ODF2: variants seen among roughly 807,000 people sequenced by gnomAD.
ODF2 encodes outer dense fiber protein 2.
ODF2 carries 47 observed loss-of-function variants against 110.2 expected under a neutral mutation model. The observed-to-expected ratio is 0.43, with a 90% CI of 0.34 to 0.54. The LOEUF is 0.54. ODF2 is among the 20% of genes least tolerant of loss of function. ODF2 has a pLI of 0.03. For missense variants in ODF2, 812 were observed against 1,054.5 expected, an observed-to-expected ratio of 0.77 and a Z score of 3.19; for synonymous variants, 352 against 397.7, an observed-to-expected ratio of 0.89 and a Z score of 1.37.
At chr9:128,461,048 C>A (rs749362503) in exon 4 of ODF2, 5 of 1,614,034 alleles carry the variant, frequency 3.1e-6, no homozygotes, top group Non-Finnish European at 8.5e-7. Flanking sequence ...TCTGCCCGGC[C>A]TGTGGGATGC....
chr9:128,500,905 T>G (rs1281460274), downstream of ODF2: 1 of 152,228 alleles, frequency 6.6e-6, no homozygotes, highest in East Asian at 1.9e-4. Context: ...ATCTCTGGAA[T>G]GCATTTATTC....
chr9:128,476,507 C>A (rs980019055), intron 8 of ODF2, among the ~76,000 whole-genome samples: 1 of 151,866 alleles, frequency 6.6e-6, no homozygotes, highest in Non-Finnish European at 1.5e-5. Context: ...AGGCTGGTCT[C>A]GAACTCCTGA....
At chr9:128,465,747 A>G (rs567324193) in intron 4 of ODF2, among the ~76,000 whole-genome samples, 24 of 152,044 alleles carry the variant, frequency 1.6e-4, no homozygotes, top group African/African-American at 5.8e-4. Flanking sequence ...CTCAAAAAAA[A>G]AAAAAAAAGT....
intron 19 of ODF2, 133 bp from the exon 20 acceptor site, chr9:128,498,868 G>A (rs1218237416): frequency 2.6e-5 from 33 of 1,248,422 alleles, no homozygotes; most frequent in East Asian, 2.3e-4. Context: ...CTGCCCCAGC[G>A]TTCTAGAGAA....
Position 128,471,480 on chromosome 9 carries a change from C to A in ODF2, c.581+12C>A. The A allele has an allele frequency of 6.2e-7, 1 of 1,611,322 alleles. No homozygotes were observed. Among genetic ancestry groups the A allele is most frequent in the South Asian group, 1.1e-5 (1 of 90,578 alleles). ...AAGGACTTCACCATGTAAGGTGGCT[C>A]CTGCTCTGTCCCCGCTGATCTATTC... On this transcript the variant is annotated intron_variant, in intron 6 of 20. Coordinates refer to ENST00000604420, the Ensembl canonical transcript of ODF2.
intron 16 of ODF2, among the ~76,000 whole-genome samples, chr9:128,493,197 C>T (rs1406186417): frequency 6.6e-6 from 1 of 152,028 alleles, no homozygotes; most frequent in Non-Finnish European, 1.5e-5. Flanking sequence ...CCAGCCTGAC[C>T]AACATGGTGA....
At chr9:128,482,709 G>A (rs1842634162) in intron 9 of ODF2, 107 bp from the exon 10 acceptor site, 7 of 749,338 alleles carry the variant, frequency 9.3e-6, no homozygotes, top group Non-Finnish European at 1.6e-5. Flanking sequence ...GCCAATGTAT[G>A]TAGGACCTTG....
At chr9:128,456,775 C>T (rs989599039) in intron 1 of ODF2, 7 of 1,305,530 alleles carry the variant, frequency 5.4e-6, no homozygotes, top group Non-Finnish European at 6.9e-6. Context: ...GGGTCCCGCC[C>T]GCCCCCTCCC....
Position 128,494,569 on chromosome 9 carries a change from G to C in ODF2, c.1812G>C (p.Lys604Asn). The C allele has an allele frequency of 6.2e-7, 1 of 1,614,192 alleles. No individual in the cohort carries two copies. Among genetic ancestry groups the C allele is most frequent in the South Asian group, 1.1e-5 (1 of 91,086 alleles). ...TGCAGCAGCTCCCTGACATCCTGAAGATCACGGAGGCGAAGCTGGCTGAGT... is the reference window on the plus strand; with the variant it reads ...TGCAGCAGCTCCCTGACATCCTGAACATCACGGAGGCGAAGCTGGCTGAGT... Residue 604 changes from lysine (K) to asparagine (N), a missense_variant, in exon 17 of 21, where the codon AAG becomes AAC. Lys to Asn is a moderately conservative substitution (Grantham distance 94, BLOSUM62 0). Transcript: ENST00000604420. This position sits in a 1 kb window ranked among gnomAD's most constrained non-coding sequence, Gnocchi z 4.6.
In ODF2 at chr9:128,500,062, G is replaced by A. The variant is rs376782686; in HGVS notation, c.2302-5G>A. ...GCGGGCCCATGCTCTGTTTCTCCTC[G>A]TTAGGCGGACCGCCGCTACCAGAGC... On this transcript the variant is annotated splice_region_variant and splice_polypyrimidine_tract_variant and intron_variant, in intron 20 of 20. Coordinates refer to ENST00000604420, the Ensembl canonical transcript of ODF2. 2.1e-5 allele frequency: 34 copies of A among 1,614,074 alleles called. No individual in the cohort carries two copies. Among genetic ancestry groups the A allele is most frequent in the East Asian group, 4.5e-5 (2 of 44,902 alleles).
At chr9:128,492,633 G>A in intron 15 of ODF2, 68 bp from the exon 16 acceptor site, 1 of 1,549,270 alleles carries the variant, frequency 6.5e-7, no homozygotes, top group Non-Finnish European at 8.9e-7. Flanking sequence ...GGAGGGTTGG[G>A]TATGGAAGAT....
chr9:128,498,384 C>T (rs1846020581), intron 18 of ODF2, 29 bp from the exon 19 acceptor site: 1 of 1,537,548 alleles, frequency 6.5e-7, no homozygotes, highest in Non-Finnish European at 8.8e-7. Flanking sequence ...TGGGGTATGC[C>T]CAGGATCTGA....
chr9:128,478,881 C>T (rs375788669), intron 8 of ODF2, among the ~76,000 whole-genome samples: 1 of 152,164 alleles, frequency 6.6e-6, no homozygotes, highest in Admixed American at 6.5e-5. Flanking sequence ...CCCAGTACTA[C>T]CCCTTCCAGC....
chr9:128,455,593 A>T (rs1366650572), upstream of ODF2, among the ~76,000 whole-genome samples: 9 of 122,976 alleles, frequency 7.3e-5, no homozygotes, highest in East Asian at 2.1e-3. Flanking sequence ...AAAAAAAAAA[A>T]GTGCAGGAAG....
rs1184632754 is a variant in ODF2 at position 128,470,380 on chromosome 9, T to C, written c.421-928T>C. Among the ~76,000 whole-genome samples, 3 of 151,804 alleles carry C rather than the reference T, an allele frequency of 2.0e-5. No homozygotes were observed. In the East Asian group the frequency reaches 5.9e-4, roughly 30 times the overall value. ...GCGTGGTGGCTCATGCCTATAATCC[T>C]AGCACTTTGGGAGACTGAGGAGGGC... On this transcript the variant is annotated intron_variant, in intron 5 of 20. Transcript: ENST00000604420.
At chr9:128,460,140 G>A (rs1402567678) in intron 3 of ODF2, 20 of 1,295,378 alleles carry the variant, frequency 1.5e-5, no homozygotes, top group South Asian at 4.9e-5. Context: ...TGTTTCCCAC[G>A]CCAATCTGCA....
chr9:128,491,020 T>G (rs528803844), intron 14 of ODF2, among the ~76,000 whole-genome samples: 2 of 152,032 alleles, frequency 1.3e-5, no homozygotes, highest in South Asian at 4.1e-4. Flanking sequence ...TTTTTTTTTT[T>G]AAATATATTT....
intron 5 of ODF2, among the ~76,000 whole-genome samples, chr9:128,470,711 C>T (rs1389113865): frequency 6.6e-6 from 1 of 151,992 alleles, no homozygotes; most frequent in African/African-American, 2.4e-5. Flanking sequence ...GTGTGCCAGC[C>T]AAACCACGGT....
intron 16 of ODF2, 43 bp downstream of exon 16, chr9:128,492,848 T>A (rs754558186): frequency 1.3e-6 from 2 of 1,517,798 alleles, no homozygotes; most frequent in Non-Finnish European, 1.8e-6. Flanking sequence ...CCCAATTCCA[T>A]ATCTAACTCA....
Sources: gnomAD v4.1 joint callset for allele counts (sites outside exome capture counted in the v4.1 genomes callset) on GRCh38, gnomAD v4.1.1 for gene constraint, Gnocchi (gnomAD v3.1) non-coding constraint, MANE v1.5 for transcripts, NCBI Gene and HGNC (gene_info 2026-07-23, HGNC 2026-07-21) for gene names.